HECW2: variants seen among roughly 807,000 people sequenced by gnomAD.
HECW2 encodes E3 ubiquitin-protein ligase HECW2.
Under a neutral mutation model 175.2 loss-of-function variants are expected in HECW2, and 61 were observed. The observed-to-expected ratio is 0.35, with a 90% CI of 0.28 to 0.43. The LOEUF is 0.43. Among genes scored for constraint, HECW2 ranks in the 20% least tolerant of loss-of-function variants. HECW2 has a pLI of 1.00. For synonymous variants in HECW2, 671 were observed against 731.0 expected, an observed-to-expected ratio of 0.92 and a Z score of 1.32; for missense variants, 1,524 against 2,000.5, an observed-to-expected ratio of 0.76 and a Z score of 4.54.
intron 1 of HECW2, among the ~76,000 whole-genome samples, chr2:196,468,311 C>T (rs943500720): frequency 7.9e-5 from 12 of 152,140 alleles, no homozygotes; most frequent in African/African-American, 2.2e-4. Context: ...TCTTTAAAGA[C>T]GAATGTTTCA....
At chr2:196,300,970 T>C (rs1691027351) in intron 13 of HECW2, among the ~76,000 whole-genome samples, 2 of 152,126 alleles carry the variant, frequency 1.3e-5, no homozygotes, top group South Asian at 2.1e-4. Context: ...CAGATCATCC[T>C]ATCACCTAGG....
intron 2 of HECW2, among the ~76,000 whole-genome samples, chr2:196,381,024 G>T (rs1367464360): frequency 6.6e-6 from 1 of 152,038 alleles, no homozygotes; most frequent in African/African-American, 2.4e-5. Flanking sequence ...TACCATTCCC[G>T]AAGTGCTTCT....
At position 196,433,351 on chromosome 2, in the gene HECW2, G is replaced by A. The variant is rs1164543461; in HGVS notation, c.73C>T (p.Pro25Ser). The part of the protein sequence containing the change: ...RNPQMRYTLS[P>S]ENLQSLAAQS... ...GCGGCAAGGCTCTGGAGGTTCTCTG[G>A]GCTCAATGTGTACCGCATCTGGGGA... The change falls in exon 2 of 29, where the codon CCA becomes TCA. Residue 25 changes from proline (P) to serine (S), a missense_variant. Physicochemically the swap from Pro to Ser is moderately conservative, Grantham distance 74 (BLOSUM62 -1). Coordinates refer to ENST00000644978, the MANE Select transcript of HECW2 (RefSeq NM_001348768.2). The A allele has an allele frequency of 6.2e-7, 1 of 1,614,126 alleles. No homozygotes were observed. The highest frequency in any genetic ancestry group is 1.1e-5 in the South Asian group (1 of 91,078).
At chr2:196,211,045 C>T (rs935320809) in intron 28 of HECW2, among the ~76,000 whole-genome samples, 4 of 152,180 alleles carry the variant, frequency 2.6e-5, no homozygotes, top group Non-Finnish European at 5.9e-5. Flanking sequence ...TTAACTCTTA[C>T]AATTTATTTC....
chr2:196,319,423 G>A lies in HECW2; in HGVS notation c.1467C>T (p.Ile489=). ...PSSLEEEGGL[I]MFSRASRADD... is the part of the protein sequence containing the mutation. ...CAGCTCTGGATGCCCTGCTAAACAT[G>A]ATCAGGCCTCCCTCCTCCTCCAAGG... is the stretch of plus-strand genomic sequence containing the variant. Residue 489 remains isoleucine (I), a synonymous_variant, in exon 9 of 29, where the codon ATC becomes ATT. Coordinates refer to ENST00000644978, the MANE Select transcript of HECW2 (RefSeq NM_001348768.2). 2 of 1,613,996 alleles carry A rather than the reference G, an allele frequency of 1.2e-6. No individual in the cohort carries two copies. Among genetic ancestry groups the A allele is most frequent in the Non-Finnish European group, 8.5e-7 (1 of 1,179,954 alleles).
chr2:196,292,974 T>C (rs1254337880), intron 13 of HECW2, among the ~76,000 whole-genome samples: 2 of 151,428 alleles, frequency 1.3e-5, no homozygotes. Flanking sequence ...ACAGCTGGTG[T>C]CTAGTTCTCT....
intron 1 of HECW2, among the ~76,000 whole-genome samples, chr2:196,502,535 T>C (rs1306598154): frequency 6.6e-6 from 1 of 152,202 alleles, no homozygotes; most frequent in African/African-American, 2.4e-5. Context: ...TCCAATGCAA[T>C]TGATTATGCA....
At chr2:196,503,738 G>A (rs918888971) in intron 1 of HECW2, among the ~76,000 whole-genome samples, 2 of 152,190 alleles carry the variant, frequency 1.3e-5, no homozygotes, top group African/African-American at 4.8e-5. Context: ...TGTTTATTAA[G>A]ATTCTGCTCA....
chr2:196,572,006 T>A (rs919288024), intron 1 of HECW2, among the ~76,000 whole-genome samples: 2 of 152,200 alleles, frequency 1.3e-5, no homozygotes, highest in African/African-American at 4.8e-5. Context: ...GAGGGCATTA[T>A]GTTAAGTGAA....
chr2:196,498,713 G>C lies in HECW2; in HGVS notation c.-35-65255C>G, dbSNP rs185793979. ...ACGGTAGAGGCCTGAACTCTGCTAA[G>C]ATGTAGGTATAGTTAAACTCTAACC... On this transcript the variant is annotated intron_variant, in intron 1 of 28. Coordinates refer to ENST00000644978, the MANE Select transcript of HECW2 (RefSeq NM_001348768.2). Among the ~76,000 whole-genome samples, 981 of 152,298 alleles carry C rather than the reference G, an allele frequency of 6.4e-3. 24 individuals carry two copies. The highest frequency in any genetic ancestry group is 2.5e-3 in the Non-Finnish European group (169 of 68,036).
chr2:196,502,922 T>C (rs897658891), intron 1 of HECW2, among the ~76,000 whole-genome samples: 26 of 152,196 alleles, frequency 1.7e-4, no homozygotes, highest in African/African-American at 6.0e-4. Flanking sequence ...AGTCTATAAA[T>C]TAAGCTAATA....
At chr2:196,521,941 A>G (rs1688411071) in intron 1 of HECW2, among the ~76,000 whole-genome samples, 1 of 152,026 alleles carries the variant, frequency 6.6e-6, no homozygotes, top group Non-Finnish European at 1.5e-5. Flanking sequence ...CACAATAAAC[A>G]TACATGTGCC....
At chr2:196,282,671 C>A (rs984044428) in intron 14 of HECW2, among the ~76,000 whole-genome samples, 1 of 152,100 alleles carries the variant, frequency 6.6e-6, no homozygotes, top group African/African-American at 2.4e-5. Context: ...ATTGTGGAGA[C>A]CAAGGTTTTA....
chr2:196,479,794 T>A (rs1351515166), intron 1 of HECW2, among the ~76,000 whole-genome samples: 1 of 152,210 alleles, frequency 6.6e-6, no homozygotes, highest in East Asian at 1.9e-4. Context: ...AATTTTCTTT[T>A]CCATCTTGCC....
chr2:196,360,669 C>A (rs1003031243), intron 2 of HECW2, among the ~76,000 whole-genome samples: 4 of 152,104 alleles, frequency 2.6e-5, no homozygotes, highest in Admixed American at 2.0e-4. Context: ...CCTAACAAAC[C>A]TGCATATGTA....
chr2:196,480,760 G>A (rs1686815654), intron 1 of HECW2, among the ~76,000 whole-genome samples: 1 of 152,064 alleles, frequency 6.6e-6, no homozygotes, highest in South Asian at 2.1e-4. Flanking sequence ...CTTGCTTAAG[G>A]TCCCTCACAA....
intron 1 of HECW2, among the ~76,000 whole-genome samples, chr2:196,537,485 T>C (rs1251179775): frequency 6.6e-6 from 1 of 151,960 alleles, no homozygotes; most frequent in African/African-American, 2.4e-5. Flanking sequence ...AGGGCACAGA[T>C]GATTATAATT....
At position 196,199,444 on chromosome 2, in the gene HECW2, C is replaced by T. The variant is rs1686787720; in HGVS notation, c.*1833G>A. On this transcript the variant is annotated 3_prime_UTR_variant, in exon 29 of 29. Transcript: ENST00000644978. ...ACGTGCCTTTAGTGCAGGAGTGTAA[C>T]ATAAGTGGTATTCCTCTTGAGGGTC... is the stretch of plus-strand genomic sequence containing the variant. The T allele has an allele frequency of 6.6e-6, 1 of 152,484 alleles. No homozygotes were observed. Among genetic ancestry groups the T allele is most frequent in the African/African-American group, 2.4e-5 (1 of 41,420 alleles). 9.4% of individuals were successfully genotyped at this position (152,484 alleles called of 1,614,324 possible).
intron 1 of HECW2, among the ~76,000 whole-genome samples, chr2:196,588,892 G>A (rs891268624): frequency 6.6e-6 from 1 of 151,816 alleles, no homozygotes; most frequent in Non-Finnish European, 1.5e-5. Context: ...AAATTACATA[G>A]TCATCCTACT....
Sources: gnomAD v4.1 joint callset for allele counts (sites outside exome capture counted in the v4.1 genomes callset) on GRCh38, gnomAD v4.1.1 for gene constraint, MANE v1.5 for transcripts, NCBI Gene and HGNC (gene_info 2026-07-23, HGNC 2026-07-21) for gene names.